Variants in IQCH observed in about 807,000 individuals in gnomAD.
IQCH encodes the protein IQ motif containing H.
IQCH carries 98 observed loss-of-function variants against 117.0 expected under a neutral mutation model. That is an observed-to-expected ratio of 0.84 (90% CI 0.71 to 0.99). IQCH has a LOEUF of 0.99. Ranked by LOEUF, IQCH falls within the 50% of genes least tolerant of loss-of-function variation. The probability of loss-of-function intolerance (pLI) is 0.00; values close to 1 mark genes in which losing one functional copy is unlikely to be tolerated. For synonymous variants in IQCH, 412 were observed against 448.2 expected, an observed-to-expected ratio of 0.92 and a Z score of 1.02; for missense variants, 1,102 against 1,243.8, an observed-to-expected ratio of 0.89 and a Z score of 1.72.
At chr15:67,339,997 A>G (rs879717580) in intron 5 of IQCH, among the ~76,000 whole-genome samples, 9 of 152,206 alleles carry the variant, frequency 5.9e-5, no homozygotes, top group Non-Finnish European at 1.3e-4. Flanking sequence ...CAAATATCCT[A>G]AAGTTCTTAG....
chr15:67,462,491 C>G (rs1157389756), intron 16 of IQCH, among the ~76,000 whole-genome samples: 1 of 151,424 alleles, frequency 6.6e-6, no homozygotes, highest in African/African-American at 2.4e-5. Context: ...TTTCTAAAAC[C>G]CTGTCAGTAT....
chr15:67,441,270 A>G (rs556280578), intron 16 of IQCH, among the ~76,000 whole-genome samples: 3 of 152,272 alleles, frequency 2.0e-5, no homozygotes, highest in Admixed American at 6.5e-5. Context: ...TCCCATACTC[A>G]TGGATGGGTA....
chr15:67,307,205 T>C lies in IQCH; in HGVS notation c.387+27693T>C, dbSNP rs550111993. ...TTTGGTTCTACTTTCCAAATAAATA[T>C]ATATATAATGCAATGTAAACTTAGA... On this transcript the variant is annotated intron_variant, in intron 4 of 20. Transcript: ENST00000335894. The C allele has an allele frequency of 1.4e-5, 12 of 851,798 alleles. No homozygotes were observed. In the African/African-American group the frequency reaches 1.8e-4, roughly 13 times the overall value. 52.8% of individuals were successfully genotyped at this position (851,798 alleles called of 1,614,324 possible). A position where few individuals can be genotyped will look rare whatever the true frequency, so the allele number is the denominator to read the frequency against.
chr15:67,421,246 C>T lies in IQCH; in HGVS notation c.2219-45C>T, dbSNP rs376981778. On this transcript the variant is annotated intron_variant, in intron 15 of 20. Transcript: ENST00000335894. ...ATGCAGAATCTGAGCCCAAGTCAAA[C>T]AAAATGCATGTGTCCTTTCACCTAC... is the stretch of plus-strand genomic sequence containing the variant. The T allele has an allele frequency of 7.8e-6, 12 of 1,543,118 alleles. No homozygotes were observed. The African/African-American group carries it at 1.1e-4, about 14-fold the overall frequency.
At chr15:67,262,236 AC>A (rs2140433083) in intron 2 of IQCH, among the ~76,000 whole-genome samples, 1 of 152,310 alleles carries the variant, frequency 6.6e-6, no homozygotes, top group East Asian at 1.9e-4. Flanking sequence ...GTAAATAGGA[AC>A]TTCATCATTA....
chr15:67,336,806 G>A (rs1968911892), intron 4 of IQCH, among the ~76,000 whole-genome samples, 169 bp from the exon 5 acceptor site: 1 of 152,120 alleles, frequency 6.6e-6, no homozygotes, highest in Non-Finnish European at 1.5e-5. Context: ...AACTCCTGAT[G>A]GTAGTAGACA....
Position 67,431,093 on chromosome 15 carries a change from C to T in IQCH, c.2505+9516C>T, listed in dbSNP as rs1213170296. ...GAGTGTATTCCAAGTGAGAAACAGG[C>T]TCACTTGGTGGGAAAGAGTGGTGGG... On this transcript the variant is annotated intron_variant, in intron 16 of 20. Transcript: ENST00000335894. The surrounding 1 kb of genome is among the most constrained non-coding windows in gnomAD (Gnocchi z 4.8). Among the ~76,000 whole-genome samples, 1 of 152,008 alleles carries T rather than the reference C, an allele frequency of 6.6e-6. No homozygotes were observed. Among genetic ancestry groups the T allele is most frequent in the Non-Finnish European group, 1.5e-5 (1 of 67,998 alleles).
intron 18 of IQCH, among the ~76,000 whole-genome samples, chr15:67,478,122 T>G (rs2083249759): frequency 6.6e-6 from 1 of 152,014 alleles, no homozygotes; most frequent in Non-Finnish European, 1.5e-5. Context: ...CGGTGGCTCA[T>G]GCCTGTAATC....
intron 3 of IQCH, among the ~76,000 whole-genome samples, chr15:67,267,169 A>G (rs1021470253): frequency 6.6e-6 from 1 of 152,326 alleles, no homozygotes; most frequent in African/African-American, 2.4e-5. Flanking sequence ...ATGGTAGTAC[A>G]GAGTAATTTC....
Position 67,404,242 on chromosome 15 carries a change from A to G in IQCH, c.2097+3937A>G, listed in dbSNP as rs146272810. On this transcript the variant is annotated intron_variant, in intron 14 of 20. Coordinates refer to ENST00000335894, the MANE Select transcript of IQCH (RefSeq NM_001031715.3). This position sits in a 1 kb window ranked among gnomAD's most constrained non-coding sequence, Gnocchi z 4.6. ...GCCTGGAAAAGGTAGAATAAACCAC[A>G]GTTGTTTTGCCTCCTTTTAGAACTA... The G allele has an allele frequency of 2.6e-5, 4 of 152,352 alleles. No individual in the cohort carries two copies. The highest frequency in any genetic ancestry group is 9.6e-5 in the African/African-American group (4 of 41,584). The allele number at this position is 152,352 out of a possible 1,614,324, so 9.4% of individuals were successfully genotyped here.
chr15:67,412,650 C>T (rs775175352), intron 14 of IQCH, among the ~76,000 whole-genome samples: 4 of 152,152 alleles, frequency 2.6e-5, no homozygotes, highest in Non-Finnish European at 5.9e-5. Context: ...CCACCCACCT[C>T]GGCCTCCCAA....
chr15:67,421,218 C>T (rs1318143960), intron 15 of IQCH, 73 bp from the exon 16 acceptor site: 1 of 1,271,408 alleles, frequency 7.9e-7, no homozygotes, highest in African/African-American at 1.5e-5. Flanking sequence ...CAAGACATGG[C>T]AGATGCAGAA....
chr15:67,347,843 A>T (rs371255957), intron 6 of IQCH, among the ~76,000 whole-genome samples: 95 of 43,552 alleles, frequency 2.2e-3, no homozygotes, highest in Non-Finnish European at 3.8e-3. Context: ...ATATATAGAT[A>T]TTTTTATATA....
In IQCH at chr15:67,465,276, C is replaced by T. The variant is rs2082902262; in HGVS notation, c.2655C>T (p.Cys885=). 5 of 1,613,808 alleles carry T rather than the reference C, an allele frequency of 3.1e-6. No individual in the cohort carries two copies. Among genetic ancestry groups the T allele is most frequent in the Non-Finnish European group, 3.4e-6 (4 of 1,179,992 alleles). ...CAAAGGAAAGGAAGAAAACCAAATG[C>T]ATGAGTGCGCTGTCAATGCCGGTAA... ...FVPKERKKTK[C]MSALSMPMLA... The change falls in exon 17 of 21, where the codon TGC becomes TGT. Residue 885 remains cysteine (C), a synonymous_variant. Coordinates refer to ENST00000335894, the MANE Select transcript of IQCH (RefSeq NM_001031715.3). The surrounding 1 kb of genome is among the most constrained non-coding windows in gnomAD (Gnocchi z 5.9).
At chr15:67,419,875 C>T (rs1315705787) in intron 15 of IQCH, among the ~76,000 whole-genome samples, 3 of 152,178 alleles carry the variant, frequency 2.0e-5, no homozygotes, top group African/African-American at 7.2e-5. Flanking sequence ...AAGTAAGCTA[C>T]TTTGAAATAA....
Position 67,366,905 on chromosome 15 carries a change from AT to A in IQCH, c.754-5205del, listed in dbSNP as rs966196751. Reference sequence around the variant, plus strand: ...ATCTGAAAAATAGAATACGAAAAAAATCCCCCAGGTTTTTTTCATGGTGCAT... The same window carrying A: ...ATCTGAAAAATAGAATACGAAAAAAACCCCCAGGTTTTTTTCATGGTGCAT... On this transcript the variant is annotated intron_variant, in intron 8 of 20. Coordinates refer to ENST00000335894, the MANE Select transcript of IQCH (RefSeq NM_001031715.3). The surrounding 1 kb of genome is among the most constrained non-coding windows in gnomAD (Gnocchi z 4.4). 3.9e-5 allele frequency among the ~76,000 whole-genome samples: 6 copies of A among 152,188 alleles called. No homozygotes were observed. Among genetic ancestry groups the A allele is most frequent in the African/African-American group, 7.2e-5 (3 of 41,446 alleles).
chr15:67,313,522 A>G (rs140166867), intron 4 of IQCH, among the ~76,000 whole-genome samples: 1 of 152,296 alleles, frequency 6.6e-6, no homozygotes, highest in East Asian at 1.9e-4. Flanking sequence ...GATAGGCCTT[A>G]GAGGAACTGA....
chr15:67,320,022 G>A (rs1050941997), intron 4 of IQCH, among the ~76,000 whole-genome samples: 2 of 152,152 alleles, frequency 1.3e-5, no homozygotes, highest in Non-Finnish European at 2.9e-5. Context: ...AACTGTAAGC[G>A]CTCCTAGCCT....
intron 3 of IQCH, among the ~76,000 whole-genome samples, chr15:67,269,507 T>C (rs1160460335): frequency 6.6e-6 from 1 of 152,228 alleles, no homozygotes; most frequent in Admixed American, 6.5e-5. Flanking sequence ...CAAATTATCT[T>C]CTAGCTATTT....
Sources: allele counts gnomAD v4.1 joint callset (sites outside exome capture counted in the v4.1 genomes callset), GRCh38; gene constraint gnomAD v4.1.1; non-coding constraint Gnocchi (gnomAD v3.1); transcripts MANE v1.5; gene names NCBI Gene and HGNC (gene_info 2026-07-23, HGNC 2026-07-21).